SPATA17: variants seen among roughly 807,000 people sequenced by gnomAD.
The protein encoded by SPATA17 is spermatogenesis associated 17, also known as spermatogenesis-associated protein 17.
Under a neutral mutation model 62.2 loss-of-function variants are expected in SPATA17, and 53 were observed. The ratio of observed to expected loss-of-function variants is 0.85; its 90% CI spans 0.68 to 1.07. The LOEUF (loss-of-function observed/expected upper bound fraction) is 1.07, where lower values mean the gene tolerates loss of function less well. SPATA17 is among the 50% of genes least tolerant of loss of function. SPATA17 has a pLI of 0.00. For synonymous variants in SPATA17, 146 were observed against 146.8 expected (o/e 0.99, Z 0.04); for missense variants, 466 against 425.5 (o/e 1.10, Z -0.84).
chr1:217,642,832 AAGG>A (rs1161009347), intron 1 of SPATA17, among the ~76,000 whole-genome samples: 1 of 152,174 alleles, frequency 6.6e-6, no homozygotes, highest in East Asian at 1.9e-4. Flanking sequence ...CTTTATTGAT[AAGG>A]AGGTTTATTT....
intron 5 of SPATA17, among the ~76,000 whole-genome samples, chr1:217,690,377 C>T (rs1040957188): frequency 6.6e-5 from 10 of 151,676 alleles, no homozygotes; most frequent in Admixed American, 2.6e-4. Flanking sequence ...CTTTCTTTTG[C>T]CAATCCATAG....
At chr1:217,693,112 A>T (rs1169993058) in intron 5 of SPATA17, among the ~76,000 whole-genome samples, 9 of 146,174 alleles carry the variant, frequency 6.2e-5, no homozygotes, top group African/African-American at 2.0e-4. Context: ...CTGTGAATCC[A>T]TCTGGTCCTG....
At position 217,809,538 on chromosome 1, in the gene SPATA17, C is replaced by T. The variant is rs555559672; in HGVS notation, c.1005+7688C>T. 3.3e-5 allele frequency among the ~76,000 whole-genome samples: 5 copies of T among 152,056 alleles called. No homozygotes were observed. In the South Asian group the frequency reaches 8.4e-4, roughly 25 times the overall value. On this transcript the variant is annotated intron_variant, in intron 9 of 10. Coordinates refer to ENST00000366933, the MANE Select transcript of SPATA17 (RefSeq NM_138796.4). ...ATGGTGGAGAAGGTCAAAGGGGAAG[C>T]AGGCACATGAGGAGGTAAAACCCAA...
chr1:217,782,823 A>ATT (rs58655414), intron 8 of SPATA17, among the ~76,000 whole-genome samples: 2 of 151,184 alleles, frequency 1.3e-5, no homozygotes, highest in African/African-American at 4.9e-5. Flanking sequence ...GTAATTTTAA[A>ATT]TTTTTTTTAG....
intron 8 of SPATA17, among the ~76,000 whole-genome samples, chr1:217,788,376 C>T (rs540936219): frequency 6.6e-6 from 1 of 152,084 alleles, no homozygotes; most frequent in East Asian, 1.9e-4. Context: ...TTCCCCAATC[C>T]CTATTGCCCT....
At chr1:217,717,722 G>A (rs1672040270) in intron 5 of SPATA17, among the ~76,000 whole-genome samples, 1 of 152,028 alleles carries the variant, frequency 6.6e-6, no homozygotes, top group Admixed American at 6.6e-5. Flanking sequence ...GACATTAATA[G>A]AAATGATAGG....
rs1030002941 is a variant in SPATA17 at position 217,867,992 on chromosome 1, A to T, written c.*973A>T. The stretch of plus-strand genomic sequence containing the variant: ...CGAAATCCAGACTCTGGGAAATGTT[A>T]TAGGCCAAATGATCTGTTTCTTCAA... On this transcript the variant is annotated 3_prime_UTR_variant, in exon 11 of 11. Transcript: ENST00000366933. The T allele has an allele frequency of 6.6e-6, 1 of 152,206 alleles. No homozygotes were observed. Among genetic ancestry groups the T allele is most frequent in the African/African-American group, 2.4e-5 (1 of 41,460 alleles). The allele number at this position is 152,206 out of a possible 1,614,324, so 9.4% of individuals were successfully genotyped here. A position where few individuals can be genotyped will look rare whatever the true frequency, so the allele number is the denominator to read the frequency against.
intron 9 of SPATA17, among the ~76,000 whole-genome samples, chr1:217,825,961 G>A (rs1349515538): frequency 1.3e-5 from 2 of 151,902 alleles, no homozygotes; most frequent in Non-Finnish European, 2.9e-5. Context: ...TGTTATTGTG[G>A]GAAAGCTCTT....
intron 8 of SPATA17, among the ~76,000 whole-genome samples, chr1:217,790,203 A>G (rs1254856488): frequency 1.3e-5 from 2 of 152,152 alleles, no homozygotes; most frequent in African/African-American, 4.8e-5. Flanking sequence ...AGATCCATTC[A>G]GTGAGAGTCT....
intron 9 of SPATA17, among the ~76,000 whole-genome samples, chr1:217,808,245 G>A (rs1177630420): frequency 2.0e-5 from 3 of 152,122 alleles, no homozygotes; most frequent in Non-Finnish European, 4.4e-5. Context: ...AAGGCAAAGA[G>A]AAGGGCAGAA....
intron 5 of SPATA17, among the ~76,000 whole-genome samples, chr1:217,718,848 A>T (rs1672063406): frequency 6.6e-6 from 1 of 152,154 alleles, no homozygotes; most frequent in Non-Finnish European, 1.5e-5. Context: ...CTGCCAAACA[A>T]ACAAACAAAC....
intron 3 of SPATA17, among the ~76,000 whole-genome samples, chr1:217,665,963 C>G (rs973484990): frequency 6.6e-6 from 1 of 152,178 alleles, no homozygotes; most frequent in African/African-American, 2.4e-5. Context: ...CCTATCCTAT[C>G]TGATGTAAAT....
intron 3 of SPATA17, among the ~76,000 whole-genome samples, chr1:217,664,890 T>C (rs1670659096): frequency 6.6e-6 from 1 of 152,102 alleles, no homozygotes; most frequent in Non-Finnish European, 1.5e-5. Flanking sequence ...TATAAATAAA[T>C]GCTTATAAGG....
chr1:217,728,525 T>G (rs1400659495), intron 5 of SPATA17, among the ~76,000 whole-genome samples: 1 of 152,182 alleles, frequency 6.6e-6, no homozygotes, highest in Non-Finnish European at 1.5e-5. Context: ...AAGATTAATT[T>G]TTTTATGTTT....
Position 217,773,760 on chromosome 1 carries a change from T to C in SPATA17, c.520-574T>C, listed in dbSNP as rs558509521. 3.9e-5 allele frequency among the ~76,000 whole-genome samples: 6 copies of C among 152,234 alleles called. No individual in the cohort carries two copies. In the South Asian group the frequency reaches 1.2e-3, roughly 32 times the overall value. ...ATTTTGAGTGATATATAATATAGTA[T>C]TATAGCCTATATTATAGGTGATACC... On this transcript the variant is annotated intron_variant, in intron 6 of 10. Coordinates refer to ENST00000366933, the MANE Select transcript of SPATA17 (RefSeq NM_138796.4).
At chr1:217,825,567 A>T (rs1187659309) in intron 9 of SPATA17, among the ~76,000 whole-genome samples, 2 of 151,932 alleles carry the variant, frequency 1.3e-5, no homozygotes, top group Non-Finnish European at 2.9e-5. Flanking sequence ...CGCTAATATG[A>T]ATATTATGTT....
intron 5 of SPATA17, among the ~76,000 whole-genome samples, chr1:217,726,364 A>G (rs146556091): frequency 3.0e-3 from 459 of 152,304 alleles, no homozygotes; most frequent in Non-Finnish European, 4.8e-3. Flanking sequence ...CCTCCAGTCC[A>G]ATTTGCCATC....
chr1:217,864,496 T>C (rs1330824153), intron 10 of SPATA17, among the ~76,000 whole-genome samples: 1 of 152,128 alleles, frequency 6.6e-6, no homozygotes, highest in Non-Finnish European at 1.5e-5. Context: ...TATGTATGTG[T>C]GTATACATAT....
intron 5 of SPATA17, among the ~76,000 whole-genome samples, chr1:217,735,433 T>C (rs968168400): frequency 6.6e-5 from 10 of 152,170 alleles, no homozygotes; most frequent in African/African-American, 1.7e-4. Context: ...ACCTCCATAA[T>C]TGAATTACCT....
Sources: allele counts gnomAD v4.1 joint callset (sites outside exome capture counted in the v4.1 genomes callset), GRCh38; gene constraint gnomAD v4.1.1; transcripts MANE v1.5; gene names NCBI Gene and HGNC (gene_info 2026-07-23, HGNC 2026-07-21).